The following PTPRG variants were observed in gnomAD, a reference collection of about 807,000 sequenced individuals.
The protein encoded by PTPRG is receptor-type tyrosine-protein phosphatase gamma.
Under a neutral mutation model 165.3 loss-of-function variants are expected in PTPRG, and 102 were observed. The observed-to-expected ratio is 0.62, with a 90% CI of 0.53 to 0.73. The LOEUF is 0.73. PTPRG is among the 30% of genes least tolerant of loss of function. PTPRG has a pLI of 0.00. For synonymous variants in PTPRG, 675 were observed against 669.5 expected (o/e 1.01, Z -0.13); for missense variants, 1,866 against 1,861.4 (o/e 1.00, Z -0.05).
At chr3:62,231,522 T>C (rs910991085) in intron 14 of PTPRG, among the ~76,000 whole-genome samples, 3 of 152,216 alleles carry the variant, frequency 2.0e-5, no homozygotes, top group African/African-American at 7.2e-5. Context: ...CTGTGTGTGC[T>C]TGCTTTGCTT....
chr3:61,763,707 C>T (rs919621586), intron 2 of PTPRG, among the ~76,000 whole-genome samples: 1 of 152,026 alleles, frequency 6.6e-6, no homozygotes, highest in Admixed American at 6.5e-5. Flanking sequence ...CCCCATGGCA[C>T]TTAATAAAGG....
rs182562251 is a variant in PTPRG, at chr3:62,170,362, T to C, written c.1033+2199T>C. 6.6e-5 allele frequency among the ~76,000 whole-genome samples: 10 copies of C among 151,970 alleles called. No homozygotes were observed. The East Asian group carries it at 9.7e-4, about 15-fold the overall frequency. On this transcript the variant is annotated intron_variant, in intron 8 of 29. Coordinates refer to ENST00000474889, the MANE Select transcript of PTPRG (RefSeq NM_002841.4). ...GAGAGTTATATGCAGAGGATGTGGA[T>C]TGGGGGGGTGAGGAATTCCTATCAC... is the stretch of plus-strand genomic sequence containing the variant.
chr3:61,944,997 G>A (rs928685713), intron 2 of PTPRG, among the ~76,000 whole-genome samples: 1 of 152,190 alleles, frequency 6.6e-6, no homozygotes, highest in African/African-American at 2.4e-5. Flanking sequence ...TTCTATGCAA[G>A]TTGCGTGTGT....
intron 1 of PTPRG, among the ~76,000 whole-genome samples, chr3:61,746,667 A>T (rs1214378868): frequency 2.0e-5 from 3 of 152,132 alleles, no homozygotes; most frequent in Non-Finnish European, 4.4e-5. Context: ...CCATACCTGA[A>T]TGCATCACTG....
intron 4 of PTPRG, among the ~76,000 whole-genome samples, chr3:62,014,465 A>T (rs2041494362): frequency 6.6e-6 from 1 of 152,252 alleles, no homozygotes; most frequent in Admixed American, 6.5e-5. Context: ...TATGTGGAAG[A>T]TATTTAGGTT....
At chr3:62,236,389 CTTTCTA>C (rs1433119027) in intron 14 of PTPRG, among the ~76,000 whole-genome samples, 1 of 152,214 alleles carries the variant, frequency 6.6e-6, no homozygotes, top group Non-Finnish European at 1.5e-5. Context: ...ACGTTTTCAA[CTTTCTA>C]TTTGTAAGTG....
intron 2 of PTPRG, among the ~76,000 whole-genome samples, chr3:61,791,583 G>T (rs1367913784): frequency 6.6e-6 from 1 of 152,162 alleles, no homozygotes; most frequent in African/African-American, 2.4e-5. Context: ...TGCCTCCCAG[G>T]TTCAAGCGAT....
chr3:61,655,975 G>A (rs1233732340), intron 1 of PTPRG, among the ~76,000 whole-genome samples: 2 of 152,022 alleles, frequency 1.3e-5, no homozygotes, highest in African/African-American at 2.4e-5. Context: ...CCCTTTGTGG[G>A]AAGCTGAGGT....
At chr3:61,678,759 C>T (rs1703324511) in intron 1 of PTPRG, among the ~76,000 whole-genome samples, 1 of 152,074 alleles carries the variant, frequency 6.6e-6, no homozygotes, top group Non-Finnish European at 1.5e-5. Context: ...TACAAATAAC[C>T]CCAAACACGT....
chr3:62,011,989 G>T (rs540039122), intron 4 of PTPRG, among the ~76,000 whole-genome samples: 3 of 152,340 alleles, frequency 2.0e-5, no homozygotes, highest in South Asian at 2.1e-4. Context: ...GATACTCTCA[G>T]TGTAGAAACT....
chr3:61,829,411 C>G (rs564600671), intron 2 of PTPRG, among the ~76,000 whole-genome samples: 4 of 152,220 alleles, frequency 2.6e-5, no homozygotes, highest in Non-Finnish European at 4.4e-5. Context: ...AGGCCTCTGT[C>G]GAGGCGGGTG....
chr3:61,803,213 A>G (rs1434259491), intron 2 of PTPRG, among the ~76,000 whole-genome samples: 1 of 152,228 alleles, frequency 6.6e-6, no homozygotes, highest in Non-Finnish European at 1.5e-5. Flanking sequence ...TGGTCATACT[A>G]AAAAAGTAAA....
chr3:62,002,304 A>G (rs1419543141), intron 3 of PTPRG, among the ~76,000 whole-genome samples: 4 of 152,162 alleles, frequency 2.6e-5, no homozygotes, highest in African/African-American at 4.8e-5. Flanking sequence ...TAGGAAGAGG[A>G]GACAATGAGG....
intron 1 of PTPRG, among the ~76,000 whole-genome samples, chr3:61,733,256 T>A (rs1289727847): frequency 6.6e-6 from 1 of 152,224 alleles, no homozygotes; most frequent in East Asian, 1.9e-4. Flanking sequence ...TTTTGTGAAA[T>A]AACTAAATCT....
chr3:61,969,270 A>G (rs562921141), intron 2 of PTPRG, among the ~76,000 whole-genome samples: 32 of 152,268 alleles, frequency 2.1e-4, no homozygotes, highest in Middle Eastern at 3.4e-3. Flanking sequence ...TCCCTCAACA[A>G]TGTTCCAAGG....
chr3:61,913,592 G>A (rs566451171), intron 2 of PTPRG, among the ~76,000 whole-genome samples: 16 of 152,306 alleles, frequency 1.1e-4, no homozygotes, highest in Admixed American at 3.3e-4. Flanking sequence ...TCATATGGAT[G>A]TGTGGCTTCA....
rs72876291 is a variant in PTPRG, at chr3:61,681,760, T to A, written c.86-67118T>A. Among the ~76,000 whole-genome samples, 480 of 152,290 alleles carry A rather than the reference T, an allele frequency of 3.2e-3. 3 individuals are homozygous for A. Among genetic ancestry groups the A allele is most frequent in the East Asian group, 0.012 (62 of 5,182 alleles). ...ATTATGATTTTTCTTGCTCTGGATT[T>A]AACTTTTTTAAGCTCCTGAATTTTG... On this transcript the variant is annotated intron_variant, in intron 1 of 29. Transcript: ENST00000474889.
At chr3:61,693,834 C>G (rs528224190) in intron 1 of PTPRG, among the ~76,000 whole-genome samples, 43 of 151,970 alleles carry the variant, frequency 2.8e-4, no homozygotes, top group South Asian at 1.0e-3. Context: ...AGTGAAACCC[C>G]GTCTCTACTA....
At chr3:61,705,174 C>G (rs1575600051) in intron 1 of PTPRG, among the ~76,000 whole-genome samples, 1 of 152,166 alleles carries the variant, frequency 6.6e-6, no homozygotes, top group East Asian at 1.9e-4. Flanking sequence ...TAGGCATCCA[C>G]CACGAAGGGG....
Sources: allele counts gnomAD v4.1 joint callset (sites outside exome capture counted in the v4.1 genomes callset), GRCh38; gene constraint gnomAD v4.1.1; transcripts MANE v1.5; gene names NCBI Gene and HGNC (gene_info 2026-07-23, HGNC 2026-07-21).